SLC24A2: variants seen among roughly 807,000 people sequenced by gnomAD.
The protein encoded by SLC24A2 is sodium/potassium/calcium exchanger 2.
In SLC24A2, 36 loss-of-function variants were observed where a neutral mutation model predicts 62.0. The ratio of observed to expected loss-of-function variants is 0.58; its 90% CI spans 0.44 to 0.77. The LOEUF (loss-of-function observed/expected upper bound fraction) is 0.77. Ranked by LOEUF, SLC24A2 falls within the 30% of genes least tolerant of loss-of-function variation. SLC24A2 has a pLI of 0.00. For synonymous variants in SLC24A2, 358 were observed against 294.0 expected (o/e 1.22, Z -2.23); for missense variants, 846 against 817.9 (o/e 1.03, Z -0.42).
At chr9:20,218,959 T>G in the SLC24A2 span, among the ~76,000 whole-genome samples, 1 of 152,094 alleles carries the variant, frequency 6.6e-6, no homozygotes, top group Non-Finnish European at 1.5e-5. Flanking sequence ...AGCAATCCTA[T>G]TGATGAAGTG....
chr9:19,582,010 AG>A (rs946007943), intron 5 of SLC24A2, among the ~76,000 whole-genome samples: 1 of 152,194 alleles, frequency 6.6e-6, no homozygotes, highest in African/African-American at 2.4e-5. Flanking sequence ...TCAAATCGTG[AG>A]GCACCTACGT....
the SLC24A2 span, among the ~76,000 whole-genome samples, chr9:20,285,803 G>A: frequency 6.6e-6 from 1 of 152,182 alleles, no homozygotes; most frequent in African/African-American, 2.4e-5. Context: ...ATAAGAAGGG[G>A]AGACTGGGAC....
chr9:19,526,682 T>G (rs539533918), intron 9 of SLC24A2, among the ~76,000 whole-genome samples: 1 of 152,170 alleles, frequency 6.6e-6, no homozygotes, highest in Admixed American at 6.5e-5. Flanking sequence ...TCTTCAAAAT[T>G]AGGATACTTG....
the SLC24A2 span, among the ~76,000 whole-genome samples, chr9:20,142,768 G>C: frequency 6.6e-6 from 1 of 152,018 alleles, no homozygotes; most frequent in Non-Finnish European, 1.5e-5. Flanking sequence ...GCTAATTTTT[G>C]TATTTTTTGT....
chr9:19,598,126 TTAAAA>T (rs1003247862), intron 4 of SLC24A2, among the ~76,000 whole-genome samples: 16 of 152,236 alleles, frequency 1.1e-4, no homozygotes, highest in African/African-American at 3.9e-4. Flanking sequence ...TTCTTCAGTT[TTAAAA>T]TAGCAACTTT....
chr9:20,243,532 T>C, the SLC24A2 span, among the ~76,000 whole-genome samples: 1 of 152,202 alleles, frequency 6.6e-6, no homozygotes, highest in African/African-American at 2.4e-5. Flanking sequence ...TTTGAGGGTA[T>C]CTTCAATCTG....
At chr9:20,195,351 C>A in the SLC24A2 span, among the ~76,000 whole-genome samples, 1 of 152,150 alleles carries the variant, frequency 6.6e-6, no homozygotes, top group East Asian at 1.9e-4. Context: ...TGATATTCCA[C>A]ATCTTCAAAA....
At chr9:19,724,920 C>A (rs1821127186) in intron 2 of SLC24A2, among the ~76,000 whole-genome samples, 1 of 152,120 alleles carries the variant, frequency 6.6e-6, no homozygotes. Flanking sequence ...TCCTACACAA[C>A]CTCAAGCGCC....
the SLC24A2 span, among the ~76,000 whole-genome samples, chr9:20,064,991 G>A: frequency 1.3e-5 from 2 of 152,168 alleles, no homozygotes; most frequent in Non-Finnish European, 2.9e-5. Flanking sequence ...AACAAAATGT[G>A]AGCAAACAAC....
In SLC24A2 at chr9:19,674,425, G is replaced by A. The variant is rs757013847; in HGVS notation, c.931-52126C>T. On this transcript the variant is annotated intron_variant, in intron 2 of 10. Coordinates refer to ENST00000341998, the MANE Select transcript of SLC24A2 (RefSeq NM_020344.4). ...AGATGTCTAAATCTCTAGCAAGGCCGGGGAAGTTTTCCTTGATTATCCCCT... is the reference window on the plus strand; with the variant it reads ...AGATGTCTAAATCTCTAGCAAGGCCAGGGAAGTTTTCCTTGATTATCCCCT... 5.9e-5 allele frequency among the ~76,000 whole-genome samples: 9 copies of A among 152,082 alleles called. No homozygotes were observed. The South Asian group carries it at 6.2e-4, about 11-fold the overall frequency.
chr9:19,747,301 C>G (rs1158063290), intron 2 of SLC24A2, among the ~76,000 whole-genome samples: 2 of 152,054 alleles, frequency 1.3e-5, no homozygotes, highest in Non-Finnish European at 2.9e-5. Flanking sequence ...CCTATACTTT[C>G]TCTCTCTCCC....
chr9:19,909,827 A>G, the SLC24A2 span, among the ~76,000 whole-genome samples: 4 of 152,040 alleles, frequency 2.6e-5, no homozygotes, highest in Admixed American at 1.3e-4. Flanking sequence ...AGAGTGGTGT[A>G]TATTGGGGTG....
chr9:20,094,778 T>TG, the SLC24A2 span, among the ~76,000 whole-genome samples: 1 of 152,190 alleles, frequency 6.6e-6, no homozygotes, highest in Admixed American at 6.5e-5. Flanking sequence ...AGGGAAACAA[T>TG]GTATTTCCAA....
the SLC24A2 span, among the ~76,000 whole-genome samples, chr9:20,231,055 A>G: frequency 4.6e-5 from 7 of 151,920 alleles, no homozygotes; most frequent in African/African-American, 9.7e-5. Flanking sequence ...GATATGCCGC[A>G]TTATTTCTGA....
chr9:20,054,009 C>T, the SLC24A2 span, among the ~76,000 whole-genome samples: 624 of 152,238 alleles, frequency 4.1e-3, 3 homozygotes, highest in Non-Finnish European at 5.2e-3. Context: ...TGAATGGAAT[C>T]CCCAGAGTCT....
At chr9:20,066,968 C>G in the SLC24A2 span, among the ~76,000 whole-genome samples, 2 of 152,126 alleles carry the variant, frequency 1.3e-5, no homozygotes, top group Non-Finnish European at 2.9e-5. Context: ...ATAATTCCAA[C>G]CCATTTAACA....
At chr9:20,115,845 G>C in the SLC24A2 span, among the ~76,000 whole-genome samples, 4 of 152,128 alleles carry the variant, frequency 2.6e-5, no homozygotes, top group Admixed American at 2.6e-4. Context: ...CTATTAGATG[G>C]TTTCAATTTG....
intron 8 of SLC24A2, among the ~76,000 whole-genome samples, chr9:19,530,797 T>A (rs1400145712): frequency 4.6e-5 from 7 of 152,190 alleles, no homozygotes; most frequent in Admixed American, 2.0e-4. Context: ...AAATATTCTT[T>A]GTGAATTTTC....
At chr9:20,036,815 C>A in the SLC24A2 span, among the ~76,000 whole-genome samples, 3 of 151,678 alleles carry the variant, frequency 2.0e-5, no homozygotes, top group Non-Finnish European at 2.9e-5. Flanking sequence ...TTGCATATAA[C>A]CTATGCACAC....
Sources: allele counts gnomAD v4.1 joint callset (sites outside exome capture counted in the v4.1 genomes callset), GRCh38; gene constraint gnomAD v4.1.1; transcripts MANE v1.5; gene names NCBI Gene and HGNC (gene_info 2026-07-23, HGNC 2026-07-21).